EML1: variants seen among roughly 807,000 people sequenced by gnomAD.
The protein encoded by EML1 is echinoderm microtubule-associated protein-like 1.
A neutral mutation model predicts 110.4 loss-of-function variants in EML1; 27 were observed. The ratio of observed to expected loss-of-function variants is 0.24; its 90% CI spans 0.18 to 0.34. The LOEUF (loss-of-function observed/expected upper bound fraction) is 0.34. Among genes scored for constraint, EML1 ranks in the 10% least tolerant of loss-of-function variants. The pLI, the probability that EML1 is intolerant of heterozygous loss-of-function variation, is 1.00. For synonymous variants in EML1, 344 were observed against 385.8 expected, an observed-to-expected ratio of 0.89 and a Z score of 1.27; for missense variants, 741 against 1,030.9, an observed-to-expected ratio of 0.72 and a Z score of 3.85.
Position 99,914,419 on chromosome 14 carries a change from T to G in EML1, c.1620+115T>G, listed in dbSNP as rs946780171. On this transcript the variant is annotated intron_variant, in intron 14 of 21. Coordinates refer to ENST00000262233, the MANE Select transcript of EML1 (RefSeq NM_004434.3). ...ACGATAACCTTCCTCCACCCCAGAG[T>G]GTCTGTGGCTGCTGAAAGATGGGAG... The G allele has an allele frequency of 1.8e-5, 27 of 1,529,634 alleles. No individual in the cohort carries two copies. In the African/African-American group the frequency reaches 2.2e-4, roughly 13 times the overall value. The allele number at this position is 1,529,634 out of a possible 1,614,324, so 94.8% of individuals were successfully genotyped here.
At chr14:99,867,446 T>C (rs1205907241) in intron 3 of EML1, among the ~76,000 whole-genome samples, 1 of 152,236 alleles carries the variant, frequency 6.6e-6, no homozygotes, top group Admixed American at 6.5e-5. Context: ...CAATATTAAG[T>C]CTTCCAATCC....
intron 1 of EML1, among the ~76,000 whole-genome samples, chr14:99,840,500 G>T (rs970642197): frequency 8.5e-5 from 13 of 152,198 alleles, no homozygotes; most frequent in Non-Finnish European, 1.8e-4. Context: ...GCGCTGTGTG[G>T]CGTGGGGACA....
chr14:99,760,579 G>A (rs2057304922), intron 1 of EML1, among the ~76,000 whole-genome samples: 1 of 152,050 alleles, frequency 6.6e-6, no homozygotes, highest in African/African-American at 2.4e-5. Flanking sequence ...TCCTAATGGG[G>A]GATCAGCCTG....
Position 99,897,745 on chromosome 14 carries a change from A to C in EML1, c.827+451A>C, listed in dbSNP as rs544318473. On this transcript the variant is annotated intron_variant, in intron 7 of 21. Transcript: ENST00000262233. ...GATAAACATAAAAATGTGTTGCCTC[A>C]TGTTTGTGGCTGAGTCGGCTCTTCC... 2.6e-5 allele frequency among the ~76,000 whole-genome samples: 4 copies of C among 152,262 alleles called. No individual in the cohort carries two copies. The South Asian group carries it at 8.3e-4, about 32-fold the overall frequency.
intron 1 of EML1, among the ~76,000 whole-genome samples, chr14:99,840,085 TAG>T (rs549009481): frequency 2.0e-5 from 3 of 152,094 alleles, no homozygotes; most frequent in Non-Finnish European, 4.4e-5. Flanking sequence ...AATATGACAA[TAG>T]AGTATAACTA....
At chr14:99,928,900 C>A (rs1240225845) in intron 17 of EML1, among the ~76,000 whole-genome samples, 1 of 152,196 alleles carries the variant, frequency 6.6e-6, no homozygotes, top group Non-Finnish European at 1.5e-5. Flanking sequence ...TCATTCATAA[C>A]CTCCTCAGTA....
chr14:99,910,555 C>G (rs1341484111), intron 12 of EML1, among the ~76,000 whole-genome samples: 2 of 152,144 alleles, frequency 1.3e-5, no homozygotes, highest in Non-Finnish European at 2.9e-5. Context: ...ACTGACCTTA[C>G]AGCATTCTGA....
intron 1 of EML1, among the ~76,000 whole-genome samples, chr14:99,775,574 C>T (rs2057472725): frequency 6.6e-6 from 1 of 152,196 alleles, no homozygotes; most frequent in Non-Finnish European, 1.5e-5. Flanking sequence ...GTTGATCTGG[C>T]ACCATGATGG....
At chr14:99,935,203 G>T (rs185429308) in intron 17 of EML1, among the ~76,000 whole-genome samples, 45 of 152,362 alleles carry the variant, frequency 3.0e-4, no homozygotes, top group Non-Finnish European at 4.4e-4. Context: ...GTAGGGGGCA[G>T]TGGCTCACTC....
intron 1 of EML1, among the ~76,000 whole-genome samples, chr14:99,739,647 C>A (rs1456967908): frequency 6.6e-6 from 1 of 152,140 alleles, no homozygotes; most frequent in African/African-American, 2.4e-5. Context: ...ACGTGACGGT[C>A]TTTTGTCTCT....
At chr14:99,900,044 G>A (rs1202758937) in intron 8 of EML1, among the ~76,000 whole-genome samples, 1 of 152,068 alleles carries the variant, frequency 6.6e-6, no homozygotes, top group African/African-American at 2.4e-5. Context: ...GCTCTATGAT[G>A]TTTTCTTCTA....
intron 2 of EML1, among the ~76,000 whole-genome samples, chr14:99,865,263 G>A (rs1156349588): frequency 1.3e-5 from 2 of 152,088 alleles, no homozygotes; most frequent in African/African-American, 2.4e-5. Flanking sequence ...TAGATCCCTC[G>A]CATGCACAGT....
intron 17 of EML1, among the ~76,000 whole-genome samples, chr14:99,925,704 T>G (rs962040254): frequency 6.6e-6 from 1 of 152,232 alleles, no homozygotes; most frequent in Non-Finnish European, 1.5e-5. Context: ...GCCTGGCTTT[T>G]ACTTTCCACT....
At chr14:99,878,752 G>C in intron 4 of EML1, 133 bp downstream of exon 4, 1 of 1,294,114 alleles carries the variant, frequency 7.7e-7, no homozygotes, top group African/African-American at 1.5e-5. Flanking sequence ...CTTCTCCTCA[G>C]GTATTTATAG....
At chr14:99,877,593 C>T (rs2059313901) in intron 3 of EML1, among the ~76,000 whole-genome samples, 1 of 152,216 alleles carries the variant, frequency 6.6e-6, no homozygotes, top group Admixed American at 6.5e-5. Context: ...TCTAGTCCCT[C>T]TTGTCCTATG....
intron 17 of EML1, 102 bp from the exon 18 acceptor site, chr14:99,935,927 G>C (rs1054008294): frequency 9.5e-7 from 1 of 1,052,712 alleles, no homozygotes; most frequent in Non-Finnish European, 1.4e-6. Context: ...TCATTAATCT[G>C]GTGATTTTGT....
At chr14:99,780,930 T>A (rs2057533018) in intron 1 of EML1, among the ~76,000 whole-genome samples, 1 of 152,158 alleles carries the variant, frequency 6.6e-6, no homozygotes, top group Non-Finnish European at 1.5e-5. Context: ...AACAGCATAG[T>A]TCTTAGAACG....
rs139368951 is a variant in EML1 at position 99,870,399 on chromosome 14, G to A, written c.383+4753G>A. On this transcript the variant is annotated intron_variant, in intron 3 of 21. Coordinates refer to ENST00000262233, the MANE Select transcript of EML1 (RefSeq NM_004434.3). ...ATAAAAGTGCAAGGTAAAGCAGCAA[G>A]TGCTATTGTAGAAGCTGCTACAGGT... 4.9e-3 allele frequency among the ~76,000 whole-genome samples: 754 copies of A among 152,354 alleles called. 3 individuals are homozygous for A. Among genetic ancestry groups the A allele is most frequent in the East Asian group, 0.018 (94 of 5,188 alleles).
intron 1 of EML1, among the ~76,000 whole-genome samples, chr14:99,788,096 G>A (rs998519301): frequency 4.6e-5 from 7 of 152,116 alleles, no homozygotes; most frequent in African/African-American, 1.7e-4. Flanking sequence ...TCCTACCCTA[G>A]CTTGCCTGAT....
Sources: gnomAD v4.1 joint callset for allele counts (sites outside exome capture counted in the v4.1 genomes callset) on GRCh38, gnomAD v4.1.1 for gene constraint, MANE v1.5 for transcripts, NCBI Gene and HGNC (gene_info 2026-07-23, HGNC 2026-07-21) for gene names.